Variants in KPNA7 observed in about 807,000 individuals in gnomAD.
KPNA7 encodes the protein karyopherin subunit alpha 7.
KPNA7 carries 54 observed loss-of-function variants against 53.7 expected under a neutral mutation model. That is an observed-to-expected ratio of 1.01 (90% CI 0.81 to 1.26). The LOEUF is 1.26. Ranked by LOEUF, KPNA7 falls within the 50% of genes most tolerant of loss-of-function variation. KPNA7 has a pLI of 0.00. For synonymous variants in KPNA7, 276 were observed against 259.3 expected (o/e 1.06, Z -0.62); for missense variants, 640 against 644.5 (o/e 0.99, Z 0.07).
At chr7:99,160,461 TTTTA>T in the KPNA7 span, among the ~76,000 whole-genome samples, 1 of 152,038 alleles carries the variant, frequency 6.6e-6, no homozygotes, top group Non-Finnish European at 1.5e-5. Flanking sequence ...ATCCAGTAAA[TTTTA>T]TTTATTTTAG....
At chr7:99,172,869 C>T (rs997005969), downstream of KPNA7, among the ~76,000 whole-genome samples, 1 of 151,934 alleles carries the variant, frequency 6.6e-6, no homozygotes, top group Admixed American at 6.6e-5. Context: ...TTGAGACCAG[C>T]CTGGTCAACA....
At chr7:99,209,832 C>A (rs764365967), upstream of KPNA7, among the ~76,000 whole-genome samples, 1 of 151,506 alleles carries the variant, frequency 6.6e-6, no homozygotes. Flanking sequence ...CAAAGCAAGA[C>A]CCCCGTCTCT....
chr7:99,205,410 CAAAA>C (rs61410237), intron 2 of KPNA7, among the ~76,000 whole-genome samples: 7 of 109,798 alleles, frequency 6.4e-5, no homozygotes, highest in African/African-American at 3.0e-4. Flanking sequence ...GACTCCATCT[CAAAA>C]AAAAAAAAAA....
At chr7:99,157,554 C>A in the KPNA7 span, among the ~76,000 whole-genome samples, 1 of 152,110 alleles carries the variant, frequency 6.6e-6, no homozygotes, top group African/African-American at 2.4e-5. Context: ...AGAATGGGAG[C>A]CCAGGTTGAT....
At chr7:99,181,857 A>C in intron 9 of KPNA7, 26 bp downstream of exon 9, 1 of 1,487,850 alleles carries the variant, frequency 6.7e-7, no homozygotes, top group Non-Finnish European at 9.0e-7. Flanking sequence ...AGCTATTTAC[A>C]AACCAACCTG....
At chr7:99,154,134 C>CTTT in the KPNA7 span, among the ~76,000 whole-genome samples, 19 of 141,470 alleles carry the variant, frequency 1.3e-4, no homozygotes, top group African/African-American at 4.9e-4. Flanking sequence ...AGCTCACACA[C>CTTT]TTTTTTTTTT....
intron 10 of KPNA7, 148 bp downstream of exon 10, chr7:99,177,772 A>G (rs1338993113): frequency 2.8e-6 from 2 of 713,162 alleles, no homozygotes; most frequent in Non-Finnish European, 4.5e-6. Flanking sequence ...TAGGCGAGAC[A>G]CATTAACTTC....
chr7:99,174,811 T>TTA (rs1196014726), intron 10 of KPNA7, among the ~76,000 whole-genome samples: 2 of 142,894 alleles, frequency 1.4e-5, no homozygotes, highest in Non-Finnish European at 3.0e-5. Context: ...GGTCTCTTAT[T>TTA]TATTATTTTT....
At chr7:99,183,316 G>A (rs1224486741) in intron 8 of KPNA7, among the ~76,000 whole-genome samples, 1 of 152,024 alleles carries the variant, frequency 6.6e-6, no homozygotes, top group Non-Finnish European at 1.5e-5. Flanking sequence ...CAGAGATACA[G>A]GAGGAATTTA....
At chr7:99,185,479 T>TG (rs1789532261) in intron 7 of KPNA7, among the ~76,000 whole-genome samples, 1 of 152,166 alleles carries the variant, frequency 6.6e-6, no homozygotes, top group Non-Finnish European at 1.5e-5. Context: ...CCCAAGTATC[T>TG]GGGACTATAC....
chr7:99,182,917 C>G (rs1789348969), intron 8 of KPNA7, among the ~76,000 whole-genome samples: 1 of 152,042 alleles, frequency 6.6e-6, no homozygotes, highest in African/African-American at 2.4e-5. Context: ...ACAGATACAA[C>G]CTAAGGGACC....
rs542035369 is a variant in KPNA7 at position 99,180,321 on chromosome 7, G to A, written c.1317+1562C>T. Among the ~76,000 whole-genome samples, 4 of 152,236 alleles carry A rather than the reference G, an allele frequency of 2.6e-5. No homozygotes were observed. The South Asian group carries it at 8.3e-4, about 32-fold the overall frequency. ...GTTAGAGAACAGCCTGGGCAATATA[G>A]CAAGACCCTGTCTCTACTAAAAATA... On this transcript the variant is annotated intron_variant, in intron 9 of 10. Transcript: ENST00000327442.
chr7:99,150,864 T>C, the KPNA7 span, among the ~76,000 whole-genome samples: 1 of 152,312 alleles, frequency 6.6e-6, no homozygotes, highest in South Asian at 2.1e-4. Context: ...CCTATGCATC[T>C]GCAGAGTATT....
intron 8 of KPNA7, among the ~76,000 whole-genome samples, chr7:99,182,448 G>A (rs117503576): frequency 0.015 from 2,233 of 151,972 alleles, 24 homozygotes; most frequent in Middle Eastern, 0.024. Flanking sequence ...CGCCTGTCTC[G>A]CTCAGCCTCC....
chr7:99,178,274 T>C (rs1370810259), intron 9 of KPNA7, among the ~76,000 whole-genome samples: 1 of 152,084 alleles, frequency 6.6e-6, no homozygotes, highest in Non-Finnish European at 1.5e-5. Context: ...TATAGACATA[T>C]ATCATAAATA....
chr7:99,181,900 T>C lies in KPNA7; in HGVS notation c.1300A>G (p.Ile434Val), dbSNP rs1789265688. The C allele has an allele frequency of 6.5e-7, 1 of 1,545,934 alleles. No homozygotes were observed. The change falls in exon 9 of 11, where the codon ATC (isoleucine) becomes GTC (valine). Residue 434 changes from isoleucine (I) to valine (V), a missense_variant. Ile to Val is a conservative substitution (Grantham distance 29). Coordinates refer to ENST00000327442, the MANE Select transcript of KPNA7 (RefSeq NM_001145715.3). ...CGGCTCACCTGGAGGATGCAAGAGA[T>C]GACATCAAGGATGATGAGAACAATT... ...VKIVLIILDV[I>V]SCILQAAEKR...
At chr7:99,201,771 C>T (rs183120551) in intron 3 of KPNA7, among the ~76,000 whole-genome samples, 125 of 152,022 alleles carry the variant, frequency 8.2e-4, no homozygotes, top group African/African-American at 2.7e-3. Flanking sequence ...TGCAGTGGCA[C>T]GATCTTGACT....
At chr7:99,160,287 A>G in the KPNA7 span, among the ~76,000 whole-genome samples, 2 of 151,838 alleles carry the variant, frequency 1.3e-5, no homozygotes, top group African/African-American at 4.8e-5. Flanking sequence ...CGGCCTCCCA[A>G]AGTGCTGGGA....
intron 8 of KPNA7, 63 bp from the exon 9 acceptor site, chr7:99,182,128 C>A: frequency 7.8e-7 from 1 of 1,284,188 alleles, no homozygotes; most frequent in Non-Finnish European, 1.1e-6. Context: ...AGGACACCAA[C>A]TTGGTTCACT....
Sources: allele counts gnomAD v4.1 joint callset (sites outside exome capture counted in the v4.1 genomes callset), GRCh38; gene constraint gnomAD v4.1.1; transcripts MANE v1.5; gene names NCBI Gene and HGNC (gene_info 2026-07-23, HGNC 2026-07-21).